Variants in ZSCAN25 observed in about 807,000 individuals in gnomAD.
ZSCAN25 encodes the protein zinc finger and SCAN domain-containing protein 25.
A neutral mutation model predicts 38.7 loss-of-function variants in ZSCAN25; 27 were observed. That is an observed-to-expected ratio of 0.70 (90% confidence interval 0.51 to 0.96). ZSCAN25 has a LOEUF of 0.96. Among genes scored for constraint, ZSCAN25 ranks in the 40% least tolerant of loss-of-function variants. The probability of loss-of-function intolerance (pLI) is 0.00; values close to 1 mark genes in which losing one functional copy is unlikely to be tolerated. For synonymous variants in ZSCAN25, 273 were observed against 277.7 expected (o/e 0.98, Z 0.17); for missense variants, 637 against 705.9 (o/e 0.90, Z 1.11).
At chr7:99,658,052 C>G in the ZSCAN25 span, among the ~76,000 whole-genome samples, 1 of 152,208 alleles carries the variant, frequency 6.6e-6, no homozygotes, top group African/African-American at 2.4e-5. Flanking sequence ...CAGTCTGTGT[C>G]TTTTAATTGG....
intron 7 of ZSCAN25, among the ~76,000 whole-genome samples, chr7:99,628,342 T>C (rs780838992): frequency 1.3e-5 from 2 of 152,194 alleles, no homozygotes; most frequent in Non-Finnish European, 2.9e-5. Flanking sequence ...GCACCACTTA[T>C]TTCTCCTTTT....
At chr7:99,681,241 TTGTG>T in the ZSCAN25 span, among the ~76,000 whole-genome samples, 53 of 152,352 alleles carry the variant, frequency 3.5e-4, no homozygotes, top group Non-Finnish European at 6.2e-4. Context: ...ATCTTGGCAT[TTGTG>T]AATAGTGGCT....
chr7:99,631,815 G>T lies in ZSCAN25; in HGVS notation c.*1795G>T. 1.0e-6 allele frequency: 1 copy of T among 985,412 alleles called. No individual in the cohort carries two copies. The highest frequency in any genetic ancestry group is 1.2e-6 in the Non-Finnish European group (1 of 829,946). The allele number at this position is 985,412 out of a possible 1,614,324, so 61.0% of individuals were successfully genotyped here. ...GTGCCCACGAGGCTGCACTGACTGG[G>T]TCGTAAATGTATCTGAGATGTCCAC... is the stretch of plus-strand genomic sequence containing the variant. On this transcript the variant is annotated 3_prime_UTR_variant, in exon 8 of 8. Transcript: ENST00000394152.
chr7:99,720,433 T>G, the ZSCAN25 span: 1 of 1,612,760 alleles, frequency 6.2e-7, no homozygotes, highest in African/African-American at 1.3e-5. Context: ...AAAACAGAGT[T>G]GATTAAACAT....
chr7:99,641,475 A>G, the ZSCAN25 span, among the ~76,000 whole-genome samples: 4 of 152,120 alleles, frequency 2.6e-5, no homozygotes. Context: ...CAGCCAAACC[A>G]TATCACCTCC....
the ZSCAN25 span, chr7:99,731,025 T>C: frequency 6.2e-7 from 1 of 1,612,148 alleles, no homozygotes; most frequent in Non-Finnish European, 8.5e-7. Context: ...TTTGCAATCA[T>C]AAGAAGCAAA....
At chr7:99,641,484 C>G in the ZSCAN25 span, among the ~76,000 whole-genome samples, 1 of 152,088 alleles carries the variant, frequency 6.6e-6, no homozygotes, top group Non-Finnish European at 1.5e-5. Context: ...CATATCACCT[C>G]CCATCCTTGA....
At chr7:99,735,375 A>G in the ZSCAN25 span, among the ~76,000 whole-genome samples, 3,759 of 151,596 alleles carry the variant, frequency 0.025, 73 homozygotes, top group Non-Finnish European at 0.033. Context: ...TATTCTATGT[A>G]GAATCATACA....
chr7:99,650,457 A>G, the ZSCAN25 span, among the ~76,000 whole-genome samples: 2 of 152,164 alleles, frequency 1.3e-5, no homozygotes. Flanking sequence ...GTTTCTTGAG[A>G]TGAGATGAAT....
chr7:99,709,037 T>A, the ZSCAN25 span: 1 of 1,613,808 alleles, frequency 6.2e-7, no homozygotes, highest in East Asian at 2.2e-5. Flanking sequence ...CCTCCTACCT[T>A]TCAGGGAGGA....
At chr7:99,674,680 C>T in the ZSCAN25 span, 6 of 998,192 alleles carry the variant, frequency 6.0e-6, no homozygotes, top group African/African-American at 9.8e-5. Context: ...CCAATGAAAT[C>T]AGGCCTGCTA....
chr7:99,619,727 T>C lies in ZSCAN25; in HGVS notation c.121T>C (p.Phe41Leu). 6.2e-7 allele frequency: 1 copy of C among 1,614,210 alleles called. No individual in the cohort carries two copies. The highest frequency in any genetic ancestry group is 8.5e-7 in the Non-Finnish European group (1 of 1,180,026). ...AAGGGAGGACCCTAGTCCAGAGACT[T>C]TTCGGCTGAGGTTTCGGCAGTTCCG... ...RGREDPSPETFRLRFRQFRYQ... is the reference protein window; with the variant it reads ...RGREDPSPETLRLRFRQFRYQ... The change falls in exon 4 of 8, where the codon TTT (phenylalanine) becomes CTT (leucine). Residue 41 changes from phenylalanine (F) to leucine (L), a missense_variant. Transcript: ENST00000394152.
the ZSCAN25 span, among the ~76,000 whole-genome samples, chr7:99,645,095 A>T: frequency 2.2e-4 from 34 of 152,300 alleles, no homozygotes; most frequent in East Asian, 6.4e-3. Flanking sequence ...GGTTCAAGCG[A>T]TTCTCGTGCC....
At chr7:99,705,292 A>G in the ZSCAN25 span, 1 of 540,998 alleles carries the variant, frequency 1.8e-6, no homozygotes, top group South Asian at 2.1e-5. Flanking sequence ...CCCAGCACTG[A>G]TTTGGTCATC....
chr7:99,655,403 C>A, the ZSCAN25 span, among the ~76,000 whole-genome samples: 6 of 152,226 alleles, frequency 3.9e-5, no homozygotes, highest in Middle Eastern at 6.8e-3. Flanking sequence ...ATGTGGCATT[C>A]TTTCTCAGGG....
the ZSCAN25 span, among the ~76,000 whole-genome samples, chr7:99,723,454 C>T: frequency 6.6e-6 from 1 of 152,166 alleles, no homozygotes; most frequent in Admixed American, 6.5e-5. Flanking sequence ...AAAACTGACC[C>T]ACCCCTATCT....
chr7:99,711,551 C>T, the ZSCAN25 span, among the ~76,000 whole-genome samples: 1 of 152,072 alleles, frequency 6.6e-6, no homozygotes, highest in Non-Finnish European at 1.5e-5. Flanking sequence ...GGTGGATCAC[C>T]CGAGGTCAGG....
At chr7:99,714,168 A>G in the ZSCAN25 span, among the ~76,000 whole-genome samples, 1 of 152,200 alleles carries the variant, frequency 6.6e-6, no homozygotes, top group Non-Finnish European at 1.5e-5. Flanking sequence ...ATAGCCTTGT[A>G]CTTGAAATGA....
the ZSCAN25 span, among the ~76,000 whole-genome samples, chr7:99,712,963 C>T: frequency 6.6e-6 from 1 of 152,132 alleles, no homozygotes; most frequent in East Asian, 1.9e-4. Flanking sequence ...GAAAAAATAA[C>T]TTCATAGTTG....
Sources: allele counts gnomAD v4.1 joint callset (sites outside exome capture counted in the v4.1 genomes callset), GRCh38; gene constraint gnomAD v4.1.1; transcripts MANE v1.5; gene names NCBI Gene and HGNC (gene_info 2026-07-23, HGNC 2026-07-21).